The following CAMK4 variants were observed in gnomAD, a reference collection of about 807,000 sequenced individuals.
CAMK4 encodes the protein calcium/calmodulin-dependent protein kinase type IV.
A neutral mutation model predicts 44.9 loss-of-function variants in CAMK4; 22 were observed. The observed-to-expected ratio is 0.49, with a 90% CI of 0.35 to 0.70. The LOEUF is 0.70. Among genes scored for constraint, CAMK4 ranks in the 30% least tolerant of loss-of-function variants. The pLI is 0.01. For synonymous variants in CAMK4, 218 were observed against 215.4 expected (o/e 1.01, Z -0.11); for missense variants, 498 against 586.8 (o/e 0.85, Z 1.56).
intron 5 of CAMK4, among the ~76,000 whole-genome samples, chr5:111,427,398 C>T (rs1314487989): frequency 6.6e-6 from 1 of 152,216 alleles, no homozygotes; most frequent in Non-Finnish European, 1.5e-5. Context: ...AAGTTTCTGG[C>T]TTCAGATACC....
At chr5:111,475,148 A>G (rs1421228452) in intron 8 of CAMK4, among the ~76,000 whole-genome samples, 1 of 152,010 alleles carries the variant, frequency 6.6e-6, no homozygotes, top group Admixed American at 6.6e-5. Flanking sequence ...GGGTGATAGA[A>G]CTCCGACTCA....
chr5:111,227,031 G>T (rs2112486102), intron 1 of CAMK4, among the ~76,000 whole-genome samples: 1 of 152,240 alleles, frequency 6.6e-6, no homozygotes, highest in East Asian at 1.9e-4. Context: ...TCTTACTTAG[G>T]CTCTGTTTGT....
At chr5:111,367,909 A>T (rs372392171) in intron 2 of CAMK4, among the ~76,000 whole-genome samples, 2 of 152,044 alleles carry the variant, frequency 1.3e-5, no homozygotes, top group East Asian at 3.9e-4. Context: ...GACCTGCTGT[A>T]TGTCTTTATA....
chr5:111,413,260 A>G (rs1345552095), intron 5 of CAMK4, among the ~76,000 whole-genome samples: 1 of 152,166 alleles, frequency 6.6e-6, no homozygotes, highest in Non-Finnish European at 1.5e-5. Flanking sequence ...TGTCATATAA[A>G]AGGTTTGGAG....
At chr5:111,449,953 A>G (rs946624370) in intron 7 of CAMK4, 1 of 152,240 alleles carries the variant, frequency 6.6e-6, no homozygotes, top group African/African-American at 2.4e-5. Flanking sequence ...TCTAATCTAA[A>G]TTATAAAGAA....
intron 7 of CAMK4, among the ~76,000 whole-genome samples, chr5:111,463,654 T>C (rs900389346): frequency 2.0e-5 from 3 of 152,160 alleles, no homozygotes; most frequent in Admixed American, 1.3e-4. Flanking sequence ...CTGAAGATGG[T>C]TTACACCACA....
rs532640417 is a variant in CAMK4, at chr5:111,431,037, AAC to A, written c.460-15647_460-15646del. ...AGCAAGCAAACAAACAAAAACAAAAAACAAAAAAACCACCTGGAGGAATCACA... is the reference window on the plus strand; with the variant it reads ...AGCAAGCAAACAAACAAAAACAAAAAAAAAAAACCACCTGGAGGAATCACA... On this transcript the variant is annotated intron_variant, in intron 5 of 10. Transcript: ENST00000282356. Among the ~76,000 whole-genome samples the A allele has an allele frequency of 4.8e-4, 73 of 152,222 alleles. No individual in the cohort carries two copies. The Middle Eastern group carries it at 0.01, about 21-fold the overall frequency.
At chr5:111,255,438 G>A (rs1465773546) in intron 1 of CAMK4, among the ~76,000 whole-genome samples, 1 of 152,148 alleles carries the variant, frequency 6.6e-6, no homozygotes, top group African/African-American at 2.4e-5. Flanking sequence ...GTGTGTAGTA[G>A]GCTGATTTTC....
chr5:111,318,050 T>A (rs1378877711), intron 1 of CAMK4, among the ~76,000 whole-genome samples: 1 of 151,982 alleles, frequency 6.6e-6, no homozygotes, highest in Non-Finnish European at 1.5e-5. Flanking sequence ...TGACACAAGT[T>A]GCTTAATCCC....
intron 1 of CAMK4, among the ~76,000 whole-genome samples, chr5:111,315,336 A>G (rs531189565): frequency 6.6e-6 from 1 of 152,216 alleles, no homozygotes; most frequent in Non-Finnish European, 1.5e-5. Flanking sequence ...AGTTTAATGA[A>G]TATTGATTCA....
intron 6 of CAMK4, among the ~76,000 whole-genome samples, chr5:111,448,187 T>G (rs890468658): frequency 6.6e-6 from 1 of 152,230 alleles, no homozygotes; most frequent in Non-Finnish European, 1.5e-5. Flanking sequence ...GTAGCAACTT[T>G]CGATAATCTT....
intron 2 of CAMK4, among the ~76,000 whole-genome samples, chr5:111,358,945 T>C (rs1039284704): frequency 8.5e-5 from 13 of 152,156 alleles, no homozygotes; most frequent in African/African-American, 3.1e-4. Flanking sequence ...TCTATGTATA[T>C]ATGTACCACA....
At chr5:111,243,362 C>T (rs1749091570) in intron 1 of CAMK4, among the ~76,000 whole-genome samples, 2 of 152,182 alleles carry the variant, frequency 1.3e-5, no homozygotes, top group Non-Finnish European at 2.9e-5. Flanking sequence ...CTTGATCAGA[C>T]TCTGAGTGTA....
At chr5:111,359,013 G>A (rs1003935167) in intron 2 of CAMK4, among the ~76,000 whole-genome samples, 1 of 152,080 alleles carries the variant, frequency 6.6e-6, no homozygotes, top group African/African-American at 2.4e-5. Context: ...GTATTAGCTA[G>A]TGTGAACAGT....
chr5:111,342,314 A>G (rs2112749139), intron 1 of CAMK4, among the ~76,000 whole-genome samples: 1 of 151,544 alleles, frequency 6.6e-6, no homozygotes, highest in East Asian at 2.0e-4. Context: ...TTAGGTGCAC[A>G]CATATTTATA....
At chr5:111,452,523 ACT>A (rs552997823) in intron 7 of CAMK4, among the ~76,000 whole-genome samples, 5 of 152,100 alleles carry the variant, frequency 3.3e-5, no homozygotes, top group African/African-American at 1.2e-4. Context: ...CTTTTCTACC[ACT>A]CTCATGTCAG....
intron 5 of CAMK4, among the ~76,000 whole-genome samples, chr5:111,444,862 G>T (rs1370034103): frequency 6.6e-6 from 1 of 152,184 alleles, no homozygotes; most frequent in African/African-American, 2.4e-5. Context: ...TGACCGAGAA[G>T]CTCAACTATG....
intron 5 of CAMK4, among the ~76,000 whole-genome samples, chr5:111,420,004 G>GA (rs1263787595): frequency 6.3e-4 from 96 of 152,022 alleles, no homozygotes; most frequent in African/African-American, 2.0e-3. Context: ...GCTTGATGGG[G>GA]TGGCATTGAA....
intron 4 of CAMK4, among the ~76,000 whole-genome samples, chr5:111,391,790 G>A (rs926489605): frequency 9.2e-5 from 14 of 152,060 alleles, no homozygotes; most frequent in African/African-American, 2.4e-4. Flanking sequence ...AACAACTACC[G>A]TGTTTTTCAT....
Sources: allele counts gnomAD v4.1 joint callset (sites outside exome capture counted in the v4.1 genomes callset), GRCh38; gene constraint gnomAD v4.1.1; transcripts MANE v1.5; gene names NCBI Gene and HGNC (gene_info 2026-07-23, HGNC 2026-07-21).